Variants in PTPRK observed in about 807,000 individuals in gnomAD.
PTPRK encodes receptor-type tyrosine-protein phosphatase kappa.
PTPRK carries 75 observed loss-of-function variants against 178.0 expected under a neutral mutation model. The observed-to-expected ratio is 0.42, with a 90% CI of 0.35 to 0.51. The LOEUF is 0.51. Ranked by LOEUF, PTPRK falls within the 20% of genes least tolerant of loss-of-function variation. The probability of loss-of-function intolerance (pLI) is 0.02; values close to 1 mark genes in which losing one functional copy is unlikely to be tolerated. For synonymous variants in PTPRK, 637 were observed against 620.6 expected (o/e 1.03, Z -0.39); for missense variants, 1,441 against 1,797.8 (o/e 0.80, Z 3.59).
chr6:128,476,035 A>C (rs1380096171), intron 1 of PTPRK, among the ~76,000 whole-genome samples: 1 of 152,076 alleles, frequency 6.6e-6, no homozygotes, highest in Admixed American at 6.6e-5. Flanking sequence ...ATATCTTACC[A>C]AAACAAGTTT....
At chr6:128,144,928 T>C (rs536099190) in intron 7 of PTPRK, among the ~76,000 whole-genome samples, 4 of 152,266 alleles carry the variant, frequency 2.6e-5, no homozygotes, top group South Asian at 4.1e-4. Context: ...TTCTCTACCA[T>C]GTGACCCAAA....
chr6:128,001,765 C>A (rs565445628), intron 15 of PTPRK, among the ~76,000 whole-genome samples: 1 of 151,806 alleles, frequency 6.6e-6, no homozygotes, highest in Non-Finnish European at 1.5e-5. Flanking sequence ...CACAGGAGGA[C>A]CGAGACTTGG....
intron 1 of PTPRK, among the ~76,000 whole-genome samples, chr6:128,495,503 C>G (rs1463079216): frequency 6.6e-6 from 1 of 151,996 alleles, no homozygotes; most frequent in East Asian, 1.9e-4. Context: ...ACCAAATACT[C>G]AGGCAGCATC....
chr6:128,162,934 CTTAT>C (rs971205048), intron 7 of PTPRK, among the ~76,000 whole-genome samples: 3 of 151,418 alleles, frequency 2.0e-5, no homozygotes, highest in Non-Finnish European at 4.4e-5. Flanking sequence ...TAACTTTCTA[CTTAT>C]TTATGTTTAA....
At chr6:128,004,923 CCTT>C (rs1778248590) in intron 15 of PTPRK, 158 bp downstream of exon 15, 1 of 620,326 alleles carries the variant, frequency 1.6e-6, no homozygotes, top group African/African-American at 1.9e-5. Flanking sequence ...TGATGAGAAT[CCTT>C]CTTGTAAATT....
chr6:128,220,410 C>T (rs573295897), intron 5 of PTPRK, among the ~76,000 whole-genome samples: 6 of 152,282 alleles, frequency 3.9e-5, no homozygotes, highest in South Asian at 2.1e-4. Context: ...AAACCCACAA[C>T]GCTGAGAAAG....
At chr6:128,215,111 G>A (rs377119778) in intron 6 of PTPRK, among the ~76,000 whole-genome samples, 67 of 152,038 alleles carry the variant, frequency 4.4e-4, no homozygotes, top group African/African-American at 1.5e-3. Context: ...TACTTAAAAT[G>A]TAACTGTAGT....
chr6:128,404,900 G>T (rs1465665369), intron 1 of PTPRK, among the ~76,000 whole-genome samples: 1 of 152,150 alleles, frequency 6.6e-6, no homozygotes, highest in Non-Finnish European at 1.5e-5. Flanking sequence ...ACTACATTAA[G>T]TGTCTCCTAA....
chr6:128,127,219 G>C (rs1454890104), intron 7 of PTPRK, among the ~76,000 whole-genome samples: 1 of 152,146 alleles, frequency 6.6e-6, no homozygotes, highest in Non-Finnish European at 1.5e-5. Context: ...TTGGTTAACT[G>C]TAGTACTCCA....
chr6:128,328,782 G>A, intron 2 of PTPRK, among the ~76,000 whole-genome samples: 1 of 152,146 alleles, frequency 6.6e-6, no homozygotes, highest in Middle Eastern at 3.4e-3. Flanking sequence ...GATTAGCAAT[G>A]ATCTCATAAT....
At chr6:128,379,068 C>T (rs1295082461) in intron 2 of PTPRK, among the ~76,000 whole-genome samples, 2 of 152,000 alleles carry the variant, frequency 1.3e-5, no homozygotes, top group Non-Finnish European at 2.9e-5. Flanking sequence ...TTGCCACTTG[C>T]CTCATCTTCC....
At chr6:128,047,131 C>T (rs1582706724) in intron 13 of PTPRK, among the ~76,000 whole-genome samples, 1 of 152,108 alleles carries the variant, frequency 6.6e-6, no homozygotes, top group African/African-American at 2.4e-5. Context: ...ATGATCAGTG[C>T]TGGTATGTCT....
intron 2 of PTPRK, among the ~76,000 whole-genome samples, chr6:128,381,682 G>C (rs546773452): frequency 2.0e-5 from 3 of 152,204 alleles, no homozygotes; most frequent in South Asian, 2.1e-4. Flanking sequence ...CAGAGAGAGA[G>C]AGAAATGTTA....
intron 2 of PTPRK, among the ~76,000 whole-genome samples, chr6:128,323,552 T>C (rs1253603781): frequency 6.6e-6 from 1 of 152,124 alleles, no homozygotes; most frequent in Non-Finnish European, 1.5e-5. Flanking sequence ...CATGACACAT[T>C]AACCACTCAA....
Position 128,059,871 on chromosome 6 carries a change from C to T in PTPRK, c.2194+4887G>A, listed in dbSNP as rs140697583. Among the ~76,000 whole-genome samples the T allele has an allele frequency of 2.0e-5, 3 of 152,278 alleles. No homozygotes were observed. In the East Asian group the frequency reaches 5.8e-4, roughly 29 times the overall value. ...AAAAATTATTAGACTAGTAATACTC[C>T]ATATGCAAACAATAATAGTTTGTAA... On this transcript the variant is annotated intron_variant, in intron 13 of 29. Transcript: ENST00000368226.
intron 7 of PTPRK, among the ~76,000 whole-genome samples, chr6:128,096,355 G>A (rs1257906013): frequency 2.0e-5 from 3 of 152,152 alleles, no homozygotes; most frequent in Non-Finnish European, 4.4e-5. Context: ...GATTTAACAC[G>A]TGGTTCTAGA....
chr6:128,096,069 G>A (rs1787861804), intron 7 of PTPRK, among the ~76,000 whole-genome samples: 1 of 152,056 alleles, frequency 6.6e-6, no homozygotes, highest in Admixed American at 6.6e-5. Flanking sequence ...AAATCAGGAT[G>A]AAATATAAAG....
chr6:128,065,831 T>C (rs2114934124), intron 12 of PTPRK, among the ~76,000 whole-genome samples: 1 of 152,312 alleles, frequency 6.6e-6, no homozygotes, highest in East Asian at 1.9e-4. Context: ...AGGATTTTCA[T>C]TTCTTAAAAG....
intron 2 of PTPRK, among the ~76,000 whole-genome samples, chr6:128,362,920 T>G (rs1027591574): frequency 9.2e-5 from 14 of 152,214 alleles, no homozygotes; most frequent in African/African-American, 3.1e-4. Flanking sequence ...ACAGTATAAA[T>G]TAGAATTTGA....
Sources: allele counts gnomAD v4.1 joint callset (sites outside exome capture counted in the v4.1 genomes callset), GRCh38; gene constraint gnomAD v4.1.1; transcripts MANE v1.5; gene names NCBI Gene and HGNC (gene_info 2026-07-23, HGNC 2026-07-21).